PLCB1: variants seen among roughly 807,000 people sequenced by gnomAD.
The protein encoded by PLCB1 is phospholipase C beta 1.
A neutral mutation model predicts 161.8 loss-of-function variants in PLCB1; 46 were observed. That is an observed-to-expected ratio of 0.28 (90% CI 0.22 to 0.36). The LOEUF is 0.36. Among genes scored for constraint, PLCB1 ranks in the 10% least tolerant of loss-of-function variants. The pLI, the probability that PLCB1 is intolerant of heterozygous loss-of-function variation, is 1.00. For synonymous variants in PLCB1, 517 were observed against 503.7 expected, an observed-to-expected ratio of 1.03 and a Z score of -0.35; for missense variants, 1,016 against 1,472.5, an observed-to-expected ratio of 0.69 and a Z score of 5.07.
rs114665105 is a variant in PLCB1 at position 8,418,670 on chromosome 20, A to C, written c.246+47220A>C. ...TTTGAAAAATTATATTGTAATAAAA[A>C]ATCAAAATATTTACATTTATATGAG... On this transcript the variant is annotated intron_variant, in intron 3 of 31. Coordinates refer to ENST00000338037, the MANE Select transcript of PLCB1 (RefSeq NM_015192.4). 3.6e-3 allele frequency among the ~76,000 whole-genome samples: 555 copies of C among 152,268 alleles called. 6 individuals carry two copies. Among genetic ancestry groups the C allele is most frequent in the African/African-American group, 0.012 (518 of 41,558 alleles).
chr20:8,475,237 C>T (rs780178409), intron 3 of PLCB1, among the ~76,000 whole-genome samples: 1 of 151,978 alleles, frequency 6.6e-6, no homozygotes, highest in Non-Finnish European at 1.5e-5. Context: ...GTTCAAAAGC[C>T]ATTTTGGGTG....
intron 9 of PLCB1, 30 bp downstream of exon 9, chr20:8,658,734 G>A: frequency 6.4e-7 from 1 of 1,562,938 alleles, no homozygotes; most frequent in Non-Finnish European, 8.6e-7. Context: ...CCAAAGGGAA[G>A]CTCTTGTTTC....
At chr20:8,369,923 A>T (rs1484051574) in intron 2 of PLCB1, among the ~76,000 whole-genome samples, 1 of 152,172 alleles carries the variant, frequency 6.6e-6, no homozygotes, top group Non-Finnish European at 1.5e-5. Context: ...TTAGGTGCAG[A>T]AAAATAATCA....
At chr20:8,277,901 T>G (rs972078564) in intron 2 of PLCB1, among the ~76,000 whole-genome samples, 1 of 152,120 alleles carries the variant, frequency 6.6e-6, no homozygotes, top group Non-Finnish European at 1.5e-5. Context: ...TGCTGGAAGT[T>G]GAGGAATGCA....
At chr20:8,179,422 T>C (rs921363781) in intron 2 of PLCB1, among the ~76,000 whole-genome samples, 6 of 152,180 alleles carry the variant, frequency 3.9e-5, no homozygotes, top group African/African-American at 1.4e-4. Context: ...GCATTATTTA[T>C]TTGGCTCTCA....
At chr20:8,209,090 C>T (rs1978679017) in intron 2 of PLCB1, among the ~76,000 whole-genome samples, 1 of 152,086 alleles carries the variant, frequency 6.6e-6, no homozygotes, top group East Asian at 1.9e-4. Context: ...TAAAGAAAAA[C>T]TGGTTCTATG....
intron 9 of PLCB1, among the ~76,000 whole-genome samples, chr20:8,667,962 C>T (rs555435558): frequency 1.3e-5 from 2 of 152,124 alleles, no homozygotes; most frequent in African/African-American, 4.8e-5. Context: ...GAGCAGGTTG[C>T]AGTGCGTGTG....
intron 2 of PLCB1, among the ~76,000 whole-genome samples, chr20:8,347,998 C>A (rs1986051804): frequency 6.6e-6 from 1 of 151,976 alleles, no homozygotes; most frequent in African/African-American, 2.4e-5. Flanking sequence ...AGAAAAAGAG[C>A]CTGGCTTCTT....
intron 2 of PLCB1, among the ~76,000 whole-genome samples, chr20:8,317,735 G>C (rs1349265346): frequency 1.3e-5 from 2 of 152,118 alleles, no homozygotes; most frequent in African/African-American, 4.8e-5. Flanking sequence ...GCTGGTGTAT[G>C]CTCTCACTAA....
intron 11 of PLCB1, among the ~76,000 whole-genome samples, chr20:8,700,685 A>G (rs1401066612): frequency 6.6e-6 from 1 of 152,194 alleles, no homozygotes; most frequent in Non-Finnish European, 1.5e-5. Context: ...TCATCATCCC[A>G]GTTGGTTTTT....
chr20:8,616,391 A>G (rs1988041037), intron 3 of PLCB1, among the ~76,000 whole-genome samples: 1 of 152,094 alleles, frequency 6.6e-6, no homozygotes, highest in African/African-American at 2.4e-5. Context: ...TCCTTCATCT[A>G]AGACTCTTCT....
At chr20:8,698,614 CA>C (rs1165799283) in intron 11 of PLCB1, among the ~76,000 whole-genome samples, 2 of 152,092 alleles carry the variant, frequency 1.3e-5, no homozygotes, top group African/African-American at 4.8e-5. Context: ...GCTCATACAA[CA>C]AAGGAGAACA....
At chr20:8,280,374 AG>A (rs1205015875) in intron 2 of PLCB1, among the ~76,000 whole-genome samples, 1 of 152,042 alleles carries the variant, frequency 6.6e-6, no homozygotes, top group Non-Finnish European at 1.5e-5. Flanking sequence ...AAGTGAAAAA[AG>A]GGGTTATGTG....
intron 31 of PLCB1, among the ~76,000 whole-genome samples, chr20:8,795,310 C>T (rs1983962051): frequency 1.3e-5 from 2 of 152,020 alleles, no homozygotes; most frequent in Admixed American, 6.5e-5. Flanking sequence ...GGTGGTCCCT[C>T]GAAGCAACTT....
At chr20:8,341,588 G>A (rs1985811691) in intron 2 of PLCB1, among the ~76,000 whole-genome samples, 1 of 152,064 alleles carries the variant, frequency 6.6e-6, no homozygotes, top group African/African-American at 2.4e-5. Context: ...CCTTTGCAGA[G>A]GCCCTCCCAG....
At chr20:8,727,218 AT>A in intron 16 of PLCB1, 90 bp from the exon 17 acceptor site, 1 of 623,162 alleles carries the variant, frequency 1.6e-6, no homozygotes, top group Non-Finnish European at 2.8e-6. Flanking sequence ...TTCACTGAAT[AT>A]TTACCCATTT....
At chr20:8,724,605 A>G in intron 15 of PLCB1, 51 bp from the exon 16 acceptor site, 1 of 996,944 alleles carries the variant, frequency 1.0e-6, no homozygotes. Context: ...AAAATAACTG[A>G]TAATATAATG....
chr20:8,874,420 T>G (rs190232238), intron 31 of PLCB1, among the ~76,000 whole-genome samples: 2 of 152,124 alleles, frequency 1.3e-5, no homozygotes, highest in East Asian at 3.9e-4. Context: ...TAATTGTGCA[T>G]CCTTAGTAGG....
At chr20:8,611,159 G>A (rs1281972554) in intron 3 of PLCB1, among the ~76,000 whole-genome samples, 1 of 151,838 alleles carries the variant, frequency 6.6e-6, no homozygotes, top group East Asian at 1.9e-4. Flanking sequence ...TGGGATAGAG[G>A]TTGACACCTA....
Sources: gnomAD v4.1 joint callset for allele counts (sites outside exome capture counted in the v4.1 genomes callset) on GRCh38, gnomAD v4.1.1 for gene constraint, MANE v1.5 for transcripts, NCBI Gene and HGNC (gene_info 2026-07-23, HGNC 2026-07-21) for gene names.